Variants in PLIN3 observed in about 807,000 individuals in gnomAD.
PLIN3 encodes perilipin-3.
In PLIN3, 30 loss-of-function variants were observed where a neutral mutation model predicts 35.9. That is an observed-to-expected ratio of 0.84 (90% CI 0.62 to 1.13). The LOEUF is 1.13. PLIN3 is among the 50% of genes most tolerant of loss of function. The pLI is 0.00. For missense variants in PLIN3, 603 were observed against 596.9 expected, an observed-to-expected ratio of 1.01 and a Z score of -0.11; for synonymous variants, 261 against 262.5, an observed-to-expected ratio of 0.99 and a Z score of 0.06.
chr19:4,850,983 C>A (rs1411004309), intron 5 of PLIN3, among the ~76,000 whole-genome samples: 1 of 152,052 alleles, frequency 6.6e-6, no homozygotes, highest in Non-Finnish European at 1.5e-5. Flanking sequence ...CAGAGGGAGA[C>A]CCCGTCTTTA....
chr19:4,858,292 A>T (rs2030539546), intron 4 of PLIN3, among the ~76,000 whole-genome samples: 1 of 151,214 alleles, frequency 6.6e-6, no homozygotes, highest in African/African-American at 2.4e-5. Context: ...AAAAAAAAAA[A>T]AAGTGAGGCC....
At chr19:4,859,455 G>C (rs1366662977) in intron 4 of PLIN3, 135 bp downstream of exon 4, 1 of 750,658 alleles carries the variant, frequency 1.3e-6, no homozygotes, top group South Asian at 1.5e-5. Context: ...AGTGGATTCG[G>C]GGTGGGGATG....
intron 4 of PLIN3, among the ~76,000 whole-genome samples, chr19:4,858,293 A>AAAC (rs2030539870): frequency 6.6e-6 from 1 of 150,824 alleles, no homozygotes; most frequent in Admixed American, 6.6e-5. Flanking sequence ...AAAAAAAAAA[A>AAAC]AGTGAGGCCC....
intron 2 of PLIN3, among the ~76,000 whole-genome samples, chr19:4,860,755 TG>T (rs1423073596): frequency 5.9e-5 from 9 of 151,940 alleles, no homozygotes; most frequent in Non-Finnish European, 1.3e-4. Flanking sequence ...TGGGTCACTT[TG>T]GGTCAGGAGT....
At chr19:4,860,591 T>C (rs907908760) in intron 2 of PLIN3, among the ~76,000 whole-genome samples, 6 of 152,216 alleles carry the variant, frequency 3.9e-5, no homozygotes, top group Admixed American at 2.0e-4. Flanking sequence ...AACAGTTCCA[T>C]TCTCATGGCA....
At chr19:4,866,946 TAAGACTGGACTTCCAAAATTCCAAGG>T in intron 1 of PLIN3, 1 of 152,644 alleles carries the variant, frequency 6.6e-6, no homozygotes, top group African/African-American at 2.4e-5. Context: ...CAGAGCATGC[TAAGACTGGACTTCCAAAATTCCAAGG>T]GCCCCAGGTC....
chr19:4,850,255 T>C (rs1388503413), intron 5 of PLIN3, among the ~76,000 whole-genome samples: 1 of 151,550 alleles, frequency 6.6e-6, no homozygotes, highest in Non-Finnish European at 1.5e-5. Context: ...CATGTATTTA[T>C]TTAATCCTGC....
chr19:4,859,723 A>G (rs919031943), intron 3 of PLIN3, 51 bp from the exon 4 acceptor site: 3 of 1,603,134 alleles, frequency 1.9e-6, no homozygotes. Context: ...GTCACCTAGT[A>G]ATGGTTCAGG....
In PLIN3 at chr19:4,839,158, A is replaced by G. The variant is rs766506955; in HGVS notation, c.*34T>C. 27 of 1,530,404 alleles carry G rather than the reference A, an allele frequency of 1.8e-5. No individual in the cohort carries two copies. Among genetic ancestry groups the G allele is most frequent in the Non-Finnish European group, 2.3e-5 (26 of 1,122,806 alleles). 94.8% of individuals were successfully genotyped at this position (1,530,404 alleles called of 1,614,324 possible). A position where few individuals can be genotyped will look rare whatever the true frequency, so the allele number is the denominator to read the frequency against. Reference sequence around the variant, plus strand: ...GGACTCCAGAGCACAGCTGCATTATAGAGACGGGGCCCGCTGAGTCCTCTC... The same window carrying G: ...GGACTCCAGAGCACAGCTGCATTATGGAGACGGGGCCCGCTGAGTCCTCTC... On this transcript the variant is annotated 3_prime_UTR_variant, in exon 8 of 8. Transcript: ENST00000221957.
At chr19:4,855,269 A>AAAG in intron 4 of PLIN3, among the ~76,000 whole-genome samples, 1 of 151,132 alleles carries the variant, frequency 6.6e-6, no homozygotes, top group Admixed American at 6.6e-5. Flanking sequence ...AAAAAAAAAA[A>AAAG]AAAAAGCTCC....
intron 7 of PLIN3, among the ~76,000 whole-genome samples, chr19:4,841,012 A>C (rs183743158): frequency 5.8e-4 from 89 of 152,300 alleles, no homozygotes; most frequent in African/African-American, 2.0e-3. Flanking sequence ...CAAGAGGCGG[A>C]GAAATTGGAA....
chr19:4,863,294 T>C (rs1274148589), intron 1 of PLIN3, among the ~76,000 whole-genome samples: 1 of 151,516 alleles, frequency 6.6e-6, no homozygotes, highest in African/African-American at 2.4e-5. Flanking sequence ...GGTCAGGAGT[T>C]CGAGACCAGC....
At chr19:4,857,146 G>T (rs1319081221) in intron 4 of PLIN3, among the ~76,000 whole-genome samples, 2 of 152,078 alleles carry the variant, frequency 1.3e-5, no homozygotes, top group Non-Finnish European at 2.9e-5. Flanking sequence ...CGGTGATTAA[G>T]GGAAACTGAG....
At chr19:4,861,261 G>A (rs753813799) in intron 2 of PLIN3, 68 bp downstream of exon 2, 40 of 1,403,514 alleles carry the variant, frequency 2.8e-5, no homozygotes, top group Non-Finnish European at 3.6e-5. Context: ...AGGGCACCCT[G>A]GGGTGGGAAG....
chr19:4,839,560 A>G, intron 7 of PLIN3, 24 bp from the exon 8 acceptor site: 2 of 1,475,524 alleles, frequency 1.4e-6, no homozygotes, highest in South Asian at 1.4e-5. Flanking sequence ...TGGGGACACC[A>G]ATCAGGACCA....
intron 4 of PLIN3, among the ~76,000 whole-genome samples, chr19:4,852,512 C>T (rs2030335535): frequency 6.6e-6 from 1 of 152,178 alleles, no homozygotes; most frequent in Non-Finnish European, 1.5e-5. Flanking sequence ...CCAGGTGACC[C>T]TGAGTCTGGA....
Position 4,863,523 on chromosome 19 carries a change from A to G in PLIN3, c.-17-2112T>C, listed in dbSNP as rs113963149. Among the ~76,000 whole-genome samples the G allele has an allele frequency of 6.4e-3, 947 of 148,426 alleles. 7 individuals carry two copies. The highest frequency in any genetic ancestry group is 9.6e-3 in the Non-Finnish European group (644 of 67,238). ...AAAAAAAAAAAAAAAAGAGATTTAA[A>G]TGTAACTCACATGGGCCAGATGTGG... On this transcript the variant is annotated intron_variant, in intron 1 of 7. Coordinates refer to ENST00000221957, the MANE Select transcript of PLIN3 (RefSeq NM_005817.5).
rs557523634 is a variant in PLIN3 at position 4,852,134 on chromosome 19, G to A, written c.516C>T (p.Gly172=). The change falls in exon 5 of 8, where the codon GGC becomes GGT. Residue 172 remains glycine, a synonymous_variant. Transcript: ENST00000221957. ...AGCGGGAGCCCATGACCGATTGGACGCCGCCGGTCACTACGGACTTTGTCT... is the reference window on the plus strand; with the variant it reads ...AGCGGGAGCCCATGACCGATTGGACACCGCCGGTCACTACGGACTTTGTCT... The part of the protein sequence containing the change: ...VDKTKSVVTG[G]VQSVMGSRLG... The A allele has an allele frequency of 4.3e-4, 702 of 1,613,982 alleles. 7 individuals carry two copies. In the South Asian group the frequency reaches 7.0e-3, roughly 16 times the overall value.
At chr19:4,859,199 C>A (rs2030582289) in intron 4 of PLIN3, among the ~76,000 whole-genome samples, 1 of 152,120 alleles carries the variant, frequency 6.6e-6, no homozygotes, top group African/African-American at 2.4e-5. Context: ...AATAAATGGG[C>A]ATGGCTGTGT....
Sources: allele counts gnomAD v4.1 joint callset (sites outside exome capture counted in the v4.1 genomes callset), GRCh38; gene constraint gnomAD v4.1.1; transcripts MANE v1.5; gene names NCBI Gene and HGNC (gene_info 2026-07-23, HGNC 2026-07-21).